PRKD1: variants seen among roughly 807,000 people sequenced by gnomAD.
PRKD1 encodes the protein serine/threonine-protein kinase D1.
In PRKD1, 63 loss-of-function variants were observed where a neutral mutation model predicts 95.9. The ratio of observed to expected loss-of-function variants is 0.66; its 90% confidence interval spans 0.54 to 0.81. PRKD1 has a LOEUF of 0.81. Ranked by LOEUF, PRKD1 falls within the 30% of genes least tolerant of loss-of-function variation. The pLI is 0.00. For missense variants in PRKD1, 1,048 were observed against 1,165.3 expected, an observed-to-expected ratio of 0.90 and a Z score of 1.47; for synonymous variants, 425 against 423.1, an observed-to-expected ratio of 1.00 and a Z score of -0.05.
intron 8 of PRKD1, among the ~76,000 whole-genome samples, chr14:29,633,425 GAAGTA>G (rs1157098387): frequency 6.6e-6 from 1 of 152,132 alleles, no homozygotes; most frequent in African/African-American, 2.4e-5. Context: ...TGTTAGAGTA[GAAGTA>G]AAGAATATTT....
chr14:29,684,282 C>T (rs1883723961), intron 2 of PRKD1, among the ~76,000 whole-genome samples: 1 of 151,986 alleles, frequency 6.6e-6, no homozygotes, highest in Admixed American at 6.6e-5. Context: ...TCCCGAGTAG[C>T]TGGGATTACA....
chr14:29,607,703 G>A (rs1276054807), intron 13 of PRKD1, among the ~76,000 whole-genome samples: 1 of 152,062 alleles, frequency 6.6e-6, no homozygotes, highest in East Asian at 1.9e-4. Flanking sequence ...AGAAGGTACT[G>A]TGCTTTTAGG....
chr14:29,847,768 G>C (rs928748151), intron 1 of PRKD1, among the ~76,000 whole-genome samples: 2 of 152,096 alleles, frequency 1.3e-5, no homozygotes, highest in African/African-American at 4.8e-5. Context: ...TGTTCTTGAA[G>C]GGGCAGGAAG....
chr14:29,902,779 GTGTTACTGAGTTT>G (rs1894361256), intron 1 of PRKD1, among the ~76,000 whole-genome samples: 1 of 152,058 alleles, frequency 6.6e-6, no homozygotes. Flanking sequence ...ATTTTTAAAA[GTGTTACTGAGTTT>G]TTCTAATTAC....
In PRKD1 at chr14:29,725,963, A is replaced by G. The variant is rs150969636; in HGVS notation, c.265-289T>C. ...AGATAAGATTTAAATAAGTTCTGGC[A>G]GTAAAGTGGTTAAGAAATATAGGTG... On this transcript the variant is annotated intron_variant, in intron 1 of 17. Transcript: ENST00000331968. Among the ~76,000 whole-genome samples, 1,360 of 152,258 alleles carry G rather than the reference A, an allele frequency of 8.9e-3. 18 individuals carry two copies. Among genetic ancestry groups the G allele is most frequent in the African/African-American group, 0.032 (1,317 of 41,564 alleles).
At chr14:29,906,081 G>A (rs1894484847) in intron 1 of PRKD1, among the ~76,000 whole-genome samples, 1 of 151,654 alleles carries the variant, frequency 6.6e-6, no homozygotes, top group African/African-American at 2.4e-5. Flanking sequence ...TTTAAAGTTA[G>A]AAAAACCCTT....
chr14:29,833,630 G>T (rs1354047041), intron 1 of PRKD1, among the ~76,000 whole-genome samples: 1 of 151,950 alleles, frequency 6.6e-6, no homozygotes, highest in African/African-American at 2.4e-5. Context: ...GAATTGAACA[G>T]CCTTTCCTTT....
chr14:29,750,259 T>A (rs1290848663), intron 1 of PRKD1, among the ~76,000 whole-genome samples: 1 of 152,348 alleles, frequency 6.6e-6, no homozygotes, highest in African/African-American at 2.4e-5. Flanking sequence ...CCTCATTCAA[T>A]GTCATTGGTA....
intron 1 of PRKD1, among the ~76,000 whole-genome samples, chr14:29,750,748 G>A (rs543976948): frequency 5.9e-5 from 9 of 152,244 alleles, no homozygotes; most frequent in African/African-American, 2.2e-4. Context: ...ATAGACAGTG[G>A]TCCTGGCTGG....
In PRKD1 at chr14:29,837,215, A is replaced by G. The variant is rs550206681; in HGVS notation, c.264+90034T>C. On this transcript the variant is annotated intron_variant, in intron 1 of 17. Coordinates refer to ENST00000331968, the MANE Select transcript of PRKD1 (RefSeq NM_002742.3). ...TTCTCATAAGGTGTTTTTTTTAAAG[A>G]ATTCAAAATGAAACTATTTCCAAAA... Among the ~76,000 whole-genome samples, 593 of 152,300 alleles carry G rather than the reference A, an allele frequency of 3.9e-3. 3 individuals carry two copies. The highest frequency in any genetic ancestry group is 5.3e-3 in the Non-Finnish European group (363 of 68,010).
In PRKD1 at chr14:29,577,408, C is replaced by G. The variant is rs368061812; in HGVS notation, c.2569G>C (p.Glu857Gln). The G allele has an allele frequency of 1.2e-6, 2 of 1,613,644 alleles. No individual in the cohort carries two copies. The highest frequency in any genetic ancestry group is 2.2e-5 in the East Asian group (1 of 44,876). ...TCACTTTCATGGGTGATGTAGCGCT[C>G]CCCGATTTTGCATTCCAGCTCTCGC... ...DLRELECKIG[E>Q]RYITHESDDL... is the part of the protein sequence containing the mutation. Residue 857 changes from glutamate (E) to glutamine (Q), a missense_variant, in exon 18 of 18, where the codon GAG (glutamate) becomes CAG (glutamine). Glu to Gln is a conservative substitution (Grantham distance 29, BLOSUM62 2). This residue lies in a region of PRKD1 where 739 missense variants were observed against 861.9 expected (regional missense o/e 0.86). Transcript: ENST00000331968.
intron 1 of PRKD1, among the ~76,000 whole-genome samples, chr14:29,886,226 C>T (rs1594603475): frequency 1.3e-5 from 2 of 152,160 alleles, no homozygotes; most frequent in African/African-American, 2.4e-5. Flanking sequence ...CACTGTTACT[C>T]ATTAATACTG....
intron 1 of PRKD1, chr14:29,812,056 A>C (rs1334700219): frequency 6.6e-6 from 1 of 152,118 alleles, no homozygotes; most frequent in Non-Finnish European, 1.5e-5. Context: ...ATACACACAC[A>C]CCCCCAAACC....
chr14:29,766,166 T>C (rs536691425), intron 1 of PRKD1, among the ~76,000 whole-genome samples: 1 of 152,244 alleles, frequency 6.6e-6, no homozygotes, highest in East Asian at 1.9e-4. Flanking sequence ...AAATTCCAAG[T>C]TTCATGAGAC....
chr14:29,759,245 C>CAA (rs45459897), intron 1 of PRKD1, among the ~76,000 whole-genome samples: 6 of 137,076 alleles, frequency 4.4e-5, no homozygotes, highest in African/African-American at 1.1e-4. Flanking sequence ...TATTAGGACG[C>CAA]AAAAAAAAAA....
chr14:29,868,944 C>G (rs1311841954), intron 1 of PRKD1, among the ~76,000 whole-genome samples: 1 of 152,086 alleles, frequency 6.6e-6, no homozygotes, highest in South Asian at 2.1e-4. Flanking sequence ...GTGCTCATAG[C>G]TATCAGAAAT....
chr14:29,831,563 G>T (rs1891414863), intron 1 of PRKD1, among the ~76,000 whole-genome samples: 1 of 151,312 alleles, frequency 6.6e-6, no homozygotes, highest in Non-Finnish European at 1.5e-5. Flanking sequence ...CCATCTCCCA[G>T]GTTCAAGCGA....
chr14:29,661,994 A>T (rs1455724565), intron 4 of PRKD1, among the ~76,000 whole-genome samples: 1 of 152,214 alleles, frequency 6.6e-6, no homozygotes, highest in East Asian at 1.9e-4. Flanking sequence ...TAATTCAAAT[A>T]ATTTAGTGGT....
At chr14:29,714,231 T>C (rs1324874133) in intron 2 of PRKD1, among the ~76,000 whole-genome samples, 1 of 152,170 alleles carries the variant, frequency 6.6e-6, no homozygotes, top group Non-Finnish European at 1.5e-5. Context: ...AGGAAATCAC[T>C]GGGTGATATA....
Sources: gnomAD v4.1 joint callset for allele counts (sites outside exome capture counted in the v4.1 genomes callset) on GRCh38, gnomAD v4.1.1 for gene constraint, gnomAD v4.1.1 regional missense constraint, MANE v1.5 for transcripts, NCBI Gene and HGNC (gene_info 2026-07-23, HGNC 2026-07-21) for gene names.